Variants in GPR39 observed in about 807,000 individuals in gnomAD.
GPR39 encodes the protein zinc sensing receptor.
A neutral mutation model predicts 18.4 loss-of-function variants in GPR39; 23 were observed. The observed-to-expected ratio is 1.25, with a 90% confidence interval of 0.90 to 1.77. The LOEUF is 1.77. Ranked by LOEUF, GPR39 falls within the 40% of genes most tolerant of loss-of-function variation. The probability of loss-of-function intolerance (pLI) is 0.00; values close to 1 mark genes in which losing one functional copy is unlikely to be tolerated. For missense variants in GPR39, 647 were observed against 602.4 expected, an observed-to-expected ratio of 1.07 and a Z score of -0.78; for synonymous variants, 280 against 257.9, an observed-to-expected ratio of 1.09 and a Z score of -0.82.
At position 132,417,063 on chromosome 2, in the gene GPR39, G is replaced by C. The variant is rs144024102; in HGVS notation, c.21G>C (p.Pro7=). 3.1e-6 allele frequency: 5 copies of C among 1,613,802 alleles called. No homozygotes were observed. Among genetic ancestry groups the C allele is most frequent in the Non-Finnish European group, 4.2e-6 (5 of 1,179,904 alleles). MASPSL[P]GSDCSQIIDH... is the part of the protein sequence containing the mutation. ...TTCTCATGGCTTCACCCAGCCTCCC[G>C]GGCAGTGACTGCTCCCAAATCATTG... Residue 7 remains proline (P), a synonymous_variant, in exon 1 of 2, where the codon CCG becomes CCC. Coordinates refer to ENST00000329321, the MANE Select transcript of GPR39 (RefSeq NM_001508.3).
intron 1 of GPR39, among the ~76,000 whole-genome samples, chr2:132,537,566 T>TTTCCTGAA (rs1679781180): frequency 6.7e-6 from 1 of 150,296 alleles, no homozygotes; most frequent in Non-Finnish European, 1.5e-5. Flanking sequence ...GTTCTCTGTG[T>TTTCCTGAA]TTCCTGAATT....
intron 1 of GPR39, among the ~76,000 whole-genome samples, chr2:132,582,974 G>C (rs1056065783): frequency 2.2e-5 from 3 of 136,786 alleles, no homozygotes; most frequent in Non-Finnish European, 4.6e-5. Context: ...AGGTTGCAGT[G>C]ACACTATCAC....
chr2:132,588,566 G>A (rs1264610866), intron 1 of GPR39, among the ~76,000 whole-genome samples: 1 of 152,190 alleles, frequency 6.6e-6, no homozygotes, highest in East Asian at 1.9e-4. Context: ...GGCCTGGGCT[G>A]CTGGGATTTC....
chr2:132,457,125 G>A (rs528692575), intron 1 of GPR39, among the ~76,000 whole-genome samples: 2 of 152,252 alleles, frequency 1.3e-5, no homozygotes, highest in South Asian at 4.1e-4. Context: ...CAAATCAAAT[G>A]TAGATTTGAT....
intron 1 of GPR39, among the ~76,000 whole-genome samples, chr2:132,547,887 T>C (rs1281251975): frequency 6.6e-6 from 1 of 152,214 alleles, no homozygotes; most frequent in East Asian, 1.9e-4. Flanking sequence ...TGGCCCATAA[T>C]ATATTTTCTC....
At chr2:132,443,577 T>A (rs546992223) in intron 1 of GPR39, among the ~76,000 whole-genome samples, 1 of 152,352 alleles carries the variant, frequency 6.6e-6, no homozygotes, top group Non-Finnish European at 1.5e-5. Context: ...AGCTATGATG[T>A]GGGTTAGGTG....
intron 1 of GPR39, among the ~76,000 whole-genome samples, chr2:132,545,390 C>G (rs1055341261): frequency 4.6e-5 from 7 of 152,212 alleles, no homozygotes; most frequent in African/African-American, 1.7e-4. Flanking sequence ...GATGTGATTT[C>G]AGGGTCCCCA....
In GPR39 at chr2:132,584,582, G is replaced by C. The variant is rs557625630; in HGVS notation, c.857-60519G>C. ...ACCCACCCTGAGTCCCCAAGGTTCT[G>C]TCTGAAAGGGAGGGCTGGCCAAGTC... On this transcript the variant is annotated intron_variant, in intron 1 of 1. Transcript: ENST00000329321. Among the ~76,000 whole-genome samples the C allele has an allele frequency of 2.2e-4, 33 of 151,926 alleles. No homozygotes were observed. The South Asian group carries it at 2.9e-3, about 13-fold the overall frequency.
chr2:132,551,098 A>T (rs1336851197), intron 1 of GPR39, among the ~76,000 whole-genome samples: 1 of 152,144 alleles, frequency 6.6e-6, no homozygotes, highest in East Asian at 1.9e-4. Flanking sequence ...CCACTACAAG[A>T]ATTCTGGAAG....
At position 132,582,911 on chromosome 2, in the gene GPR39, CTTTCTTT is replaced by C. The variant is rs1482625487; in HGVS notation, c.857-62186_857-62180del. On this transcript the variant is annotated intron_variant, in intron 1 of 1. Coordinates refer to ENST00000329321, the MANE Select transcript of GPR39 (RefSeq NM_001508.3). The stretch of plus-strand genomic sequence containing the variant: ...TGAATAGAGAGAATTAGATTTCTTT[CTTTCTTT>C]TTTTTTTTTTTTTTTTTTTGGAGAT... Among the ~76,000 whole-genome samples the C allele has an allele frequency of 5.7e-3, 655 of 113,938 alleles. 3 individuals carry two copies. Among genetic ancestry groups the C allele is most frequent in the African/African-American group, 0.019 (610 of 31,902 alleles). 74.7% of individuals were successfully genotyped at this position (113,938 alleles called of 152,430 possible).
intron 1 of GPR39, among the ~76,000 whole-genome samples, chr2:132,423,808 A>G (rs2104754291): frequency 6.6e-6 from 1 of 152,342 alleles, no homozygotes; most frequent in Middle Eastern, 3.4e-3. Context: ...GGATAGGTGC[A>G]TGCCCTAATT....
At chr2:132,446,669 A>G (rs189841916) in intron 1 of GPR39, among the ~76,000 whole-genome samples, 2 of 152,232 alleles carry the variant, frequency 1.3e-5, no homozygotes, top group African/African-American at 2.4e-5. Flanking sequence ...GAGGAAGTGG[A>G]AATGAAGGTG....
chr2:132,541,843 C>T (rs1679867011), intron 1 of GPR39, among the ~76,000 whole-genome samples: 1 of 152,214 alleles, frequency 6.6e-6, no homozygotes, highest in Non-Finnish European at 1.5e-5. Flanking sequence ...AACAGCATAA[C>T]ATAGACCAGG....
In GPR39 at chr2:132,638,345, G is replaced by T. The variant is rs188757509; in HGVS notation, c.857-6756G>T. Among the ~76,000 whole-genome samples, 34 of 152,290 alleles carry T rather than the reference G, an allele frequency of 2.2e-4. No individual in the cohort carries two copies. In the East Asian group the frequency reaches 6.4e-3, roughly 29 times the overall value. ...CCTACAAGTGCCCACTGAGCCAGGG[G>T]CTCCACCTCAATTTATGCTTCTCTT... On this transcript the variant is annotated intron_variant, in intron 1 of 1. Coordinates refer to ENST00000329321, the MANE Select transcript of GPR39 (RefSeq NM_001508.3).
intron 1 of GPR39, among the ~76,000 whole-genome samples, chr2:132,493,672 G>A (rs1463106296): frequency 2.6e-5 from 4 of 151,716 alleles, no homozygotes; most frequent in Non-Finnish European, 4.4e-5. Flanking sequence ...CCATTTGGGA[G>A]AGGAATCAGG....
chr2:132,547,070 C>T (rs188031318), intron 1 of GPR39, among the ~76,000 whole-genome samples: 5 of 152,064 alleles, frequency 3.3e-5, no homozygotes, highest in African/African-American at 1.2e-4. Flanking sequence ...CAAGCCGCAC[C>T]GACAGAGGGT....
intron 1 of GPR39, among the ~76,000 whole-genome samples, chr2:132,535,694 G>GTTTTTTTTTTT (rs1252242856): frequency 3.3e-5 from 2 of 60,976 alleles, no homozygotes; most frequent in East Asian, 2.4e-3. Flanking sequence ...CTGGTCCTGG[G>GTTTTTTTTTTT]CTTTTTTTTT....
At chr2:132,467,254 G>A (rs113632678) in intron 1 of GPR39, among the ~76,000 whole-genome samples, 2,769 of 152,240 alleles carry the variant, frequency 0.018, 97 homozygotes, top group African/African-American at 0.063. Flanking sequence ...AAAAGCTGCA[G>A]ACAAGCACTG....
intron 1 of GPR39, among the ~76,000 whole-genome samples, chr2:132,526,197 C>A (rs1679504863): frequency 6.6e-6 from 1 of 152,178 alleles, no homozygotes; most frequent in Admixed American, 6.5e-5. Context: ...CTTCCCCAGA[C>A]CTTATTGGAG....
Sources: gnomAD v4.1 joint callset for allele counts (sites outside exome capture counted in the v4.1 genomes callset) on GRCh38, gnomAD v4.1.1 for gene constraint, MANE v1.5 for transcripts, NCBI Gene and HGNC (gene_info 2026-07-23, HGNC 2026-07-21) for gene names.